The following TMEM181 variants were observed in gnomAD, a reference collection of about 807,000 sequenced individuals.
TMEM181 encodes G protein-coupled receptor 178.
A neutral mutation model predicts 71.9 loss-of-function variants in TMEM181; 39 were observed. That is an observed-to-expected ratio of 0.54 (90% CI 0.42 to 0.71). The LOEUF (loss-of-function observed/expected upper bound fraction) is 0.71, where lower values mean the gene tolerates loss of function less well. Among genes scored for constraint, TMEM181 ranks in the 30% least tolerant of loss-of-function variants. The pLI is 0.00. For synonymous variants in TMEM181, 245 were observed against 228.8 expected (o/e 1.07, Z -0.64); for missense variants, 595 against 583.0 (o/e 1.02, Z -0.21).
chr6:158,623,360 G>GT (rs1056954291), intron 10 of TMEM181, among the ~76,000 whole-genome samples, 190 bp from the exon 11 acceptor site: 16 of 152,168 alleles, frequency 1.1e-4, no homozygotes, highest in South Asian at 6.2e-4. Context: ...GGATTGTATA[G>GT]TTTTTTCATG....
At chr6:158,610,336 T>TC (rs1222062973) in intron 10 of TMEM181, 5 of 288,138 alleles carry the variant, frequency 1.7e-5, no homozygotes, top group Admixed American at 3.9e-5. Flanking sequence ...TTTCAACAGC[T>TC]CCCCCCGTAG....
At chr6:158,552,298 T>A (rs1261136335) in intron 1 of TMEM181, among the ~76,000 whole-genome samples, 1 of 152,214 alleles carries the variant, frequency 6.6e-6, no homozygotes, top group Non-Finnish European at 1.5e-5. Context: ...TGCTTTTCCT[T>A]ATGGGAAGCC....
chr6:158,569,790 G>A (rs1782702462), intron 1 of TMEM181, among the ~76,000 whole-genome samples: 1 of 152,090 alleles, frequency 6.6e-6, no homozygotes, highest in Admixed American at 6.6e-5. Flanking sequence ...TGTAGAGATG[G>A]GGTTTCACCA....
intron 2 of TMEM181, among the ~76,000 whole-genome samples, chr6:158,575,909 G>A (rs1272282797): frequency 6.6e-6 from 1 of 152,194 alleles, no homozygotes; most frequent in East Asian, 1.9e-4. Flanking sequence ...AGTTGATAGT[G>A]ATACGTTTTG....
intron 1 of TMEM181, among the ~76,000 whole-genome samples, chr6:158,547,586 C>T (rs1230656837): frequency 6.6e-6 from 1 of 152,226 alleles, no homozygotes; most frequent in Non-Finnish European, 1.5e-5. Context: ...TCTCCCCCCT[C>T]AGCTGGGGCC....
intron 1 of TMEM181, among the ~76,000 whole-genome samples, chr6:158,548,678 G>C (rs1562614310): frequency 6.6e-6 from 1 of 152,202 alleles, no homozygotes; most frequent in Non-Finnish European, 1.5e-5. Context: ...GAGGCAGCCA[G>C]CAAGCCCAGG....
intron 10 of TMEM181, among the ~76,000 whole-genome samples, chr6:158,609,069 G>T (rs1785135547): frequency 6.7e-6 from 1 of 150,294 alleles, no homozygotes; most frequent in African/African-American, 2.5e-5. Context: ...CTGCACTCCA[G>T]CCTGGGCAAC....
chr6:158,623,457 A>T, intron 10 of TMEM181, 93 bp from the exon 11 acceptor site: 1 of 822,118 alleles, frequency 1.2e-6, no homozygotes, highest in Non-Finnish European at 1.9e-6. Flanking sequence ...TTATATTAAT[A>T]AGTAAAAAAA....
intron 1 of TMEM181, among the ~76,000 whole-genome samples, chr6:158,544,182 A>AGT (rs34605570): frequency 0.5 from 63,670 of 127,566 alleles, 15,502 homozygotes; most frequent in East Asian, 0.71. Flanking sequence ...AATTGGAGAG[A>AGT]GTGTGTGTGT....
rs187791888 is a variant in TMEM181 at position 158,564,497 on chromosome 6, C to A, written c.8+4265C>A. The stretch of plus-strand genomic sequence containing the variant: ...CGGCAGCCAGCTGGAGGGGAGACTT[C>A]ATACAGTGGGGTCTTTGAAGATGTT... On this transcript the variant is annotated intron_variant, in intron 1 of 16. Coordinates refer to ENST00000684151, the MANE Select transcript of TMEM181 (RefSeq NM_001376852.1). Among the ~76,000 whole-genome samples, 413 of 152,342 alleles carry A rather than the reference C, an allele frequency of 2.7e-3. 6 individuals are homozygous for A. The highest frequency in any genetic ancestry group is 1.1e-3 in the Non-Finnish European group (74 of 68,032).
At position 158,632,550 on chromosome 6, in the gene TMEM181, T is replaced by C. The variant is rs1786721756; in HGVS notation, c.*662T>C. ...GAGTTCTGAGGAGGGTTTGATAAGT[T>C]GAATAAGGAAAGGCTAAGATAATTT... On this transcript the variant is annotated 3_prime_UTR_variant, in exon 17 of 17. Coordinates refer to ENST00000684151, the MANE Select transcript of TMEM181 (RefSeq NM_001376852.1). 6.6e-6 allele frequency: 1 copy of C among 152,490 alleles called. No individual in the cohort carries two copies. Among genetic ancestry groups the C allele is most frequent in the African/African-American group, 2.4e-5 (1 of 41,410 alleles). The allele number at this position is 152,490 out of a possible 1,614,324, so 9.4% of individuals were successfully genotyped here.
intron 4 of TMEM181, among the ~76,000 whole-genome samples, 194 bp from the exon 5 acceptor site, chr6:158,585,110 G>A (rs564508298): frequency 7.9e-5 from 12 of 152,310 alleles, no homozygotes; most frequent in Admixed American, 2.6e-4. Context: ...CCCCCTGGGT[G>A]CTGGGTTGGA....
At chr6:158,631,417 CA>C in intron 16 of TMEM181, 28 bp downstream of exon 16, 3 of 1,611,284 alleles carry the variant, frequency 1.9e-6, no homozygotes, top group Non-Finnish European at 2.5e-6. Flanking sequence ...AGAAGGCCGG[CA>C]CACCTTGGGC....
At chr6:158,586,459 G>T (rs1161324681) in intron 5 of TMEM181, among the ~76,000 whole-genome samples, 1 of 152,232 alleles carries the variant, frequency 6.6e-6, no homozygotes, top group Admixed American at 6.5e-5. Flanking sequence ...AGAAACTACT[G>T]TTAGAGCCTA....
At chr6:158,625,027 C>T in intron 11 of TMEM181, 77 bp from the exon 12 acceptor site, 1 of 1,158,314 alleles carries the variant, frequency 8.6e-7, no homozygotes, top group Non-Finnish European at 1.3e-6. Context: ...CTGTGGCTTT[C>T]CTGCCTGTGG....
chr6:158,630,262 A>T (rs1786585450), intron 15 of TMEM181, among the ~76,000 whole-genome samples: 1 of 152,174 alleles, frequency 6.6e-6, no homozygotes, highest in African/African-American at 2.4e-5. Context: ...TCTGGAGGCC[A>T]AGGCGGGAGG....
upstream of TMEM181, among the ~76,000 whole-genome samples, chr6:158,558,518 C>T (rs907811950): frequency 2.0e-5 from 3 of 152,178 alleles, no homozygotes; most frequent in Non-Finnish European, 2.9e-5. Context: ...GAAAGTGGAA[C>T]TGAGGCGCAG....
chr6:158,553,673 G>C (rs572358888), intron 1 of TMEM181, among the ~76,000 whole-genome samples: 1 of 152,282 alleles, frequency 6.6e-6, no homozygotes, highest in South Asian at 2.1e-4. Context: ...CCATGCAACA[G>C]TATATTAATA....
chr6:158,601,378 G>A (rs1351954973), intron 6 of TMEM181, among the ~76,000 whole-genome samples: 1 of 151,932 alleles, frequency 6.6e-6, no homozygotes, highest in East Asian at 1.9e-4. Context: ...GTGAAACTTT[G>A]TCTCTGCTAA....
Sources: gnomAD v4.1 joint callset for allele counts (sites outside exome capture counted in the v4.1 genomes callset) on GRCh38, gnomAD v4.1.1 for gene constraint, MANE v1.5 for transcripts, NCBI Gene and HGNC (gene_info 2026-07-23, HGNC 2026-07-21) for gene names.